The following GPAM variants were observed in gnomAD, a reference collection of about 807,000 sequenced individuals.
GPAM encodes the protein glycerol-3-phosphate acyltransferase, mitochondrial, also known as glycerol-3-phosphate acyltransferase 1, mitochondrial.
In GPAM, 56 loss-of-function variants were observed where a neutral mutation model predicts 105.0. That is an observed-to-expected ratio of 0.53 (90% CI 0.43 to 0.67). GPAM has a LOEUF of 0.67. GPAM is among the 30% of genes least tolerant of loss of function. GPAM has a pLI of 0.00. For missense variants in GPAM, 855 were observed against 989.8 expected (o/e 0.86, Z 1.83); for synonymous variants, 368 against 354.4 (o/e 1.04, Z -0.43).
intron 1 of GPAM, among the ~76,000 whole-genome samples, chr10:112,214,697 G>A (rs907716812): frequency 6.6e-5 from 10 of 152,218 alleles, no homozygotes; most frequent in Non-Finnish European, 1.0e-4. Context: ...CCAACATCAC[G>A]AGGATTGGTA....
intron 21 of GPAM, 147 bp from the exon 22 acceptor site, chr10:112,153,813 G>T: frequency 2.6e-6 from 2 of 773,376 alleles, no homozygotes; most frequent in African/African-American, 1.8e-5. Context: ...ATGTATGCCT[G>T]GGTGTGTGTG....
chr10:112,172,395 G>T, intron 8 of GPAM, 77 bp from the exon 9 acceptor site: 1 of 1,169,556 alleles, frequency 8.6e-7, no homozygotes, highest in Non-Finnish European at 1.3e-6. Context: ...TATTTGGCTA[G>T]AGTCACTCAA....
rs1250731984 is a variant in GPAM, at chr10:112,163,707, G to C, written c.1417C>G (p.Leu473Val). 1.4e-6 allele frequency: 2 copies of C among 1,431,272 alleles called. No individual in the cohort carries two copies. Among genetic ancestry groups the C allele is most frequent in the Non-Finnish European group, 9.9e-7 (1 of 1,013,012 alleles). 88.7% of individuals were successfully genotyped at this position (1,431,272 alleles called of 1,614,324 possible). Residue 473 changes from leucine to valine, a missense_variant, in exon 14 of 22, where the codon CTA becomes GTA. Coordinates refer to ENST00000348367, the MANE Select transcript of GPAM (RefSeq NM_001244949.2). ...AGTCTGGTATTCTACTTACTGAATA[G>C]AATATGCTCAGCCAGATTTGCAATC... ...RLIANLAEHI[L>V]FTASKSCAIM...
At chr10:112,153,876 T>C in intron 21 of GPAM, 1 of 508,452 alleles carries the variant, frequency 2.0e-6, no homozygotes, top group Non-Finnish European at 3.5e-6. Context: ...TCTATTTTTT[T>C]TTTTTTGTTT....
intron 1 of GPAM, among the ~76,000 whole-genome samples, chr10:112,204,197 A>G (rs1320702905): frequency 6.6e-6 from 1 of 151,912 alleles, no homozygotes; most frequent in African/African-American, 2.4e-5. Context: ...GCTCAAGCAC[A>G]CAGATAGAAC....
At chr10:112,188,638 A>C (rs1847621951), upstream of GPAM, among the ~76,000 whole-genome samples, 1 of 152,210 alleles carries the variant, frequency 6.6e-6, no homozygotes, top group Non-Finnish European at 1.5e-5. Context: ...TGTGTTTGTG[A>C]AAGTAATGCA....
rs557624944 is a variant in GPAM at position 112,171,420 on chromosome 10, T to C, written c.794+762A>G. On this transcript the variant is annotated intron_variant, in intron 9 of 21. Transcript: ENST00000348367. ...CTAATGGAAGCAGAATTGATTTCAT[T>C]CTTTCTAATCCAGAATGACCTTTCA... is the stretch of plus-strand genomic sequence containing the variant. 5.9e-5 allele frequency among the ~76,000 whole-genome samples: 9 copies of C among 152,352 alleles called. 1 individual carries two copies. The East Asian group carries it at 1.7e-3, about 29-fold the overall frequency.
intron 1 of GPAM, among the ~76,000 whole-genome samples, chr10:112,211,243 C>G (rs980800273): frequency 6.6e-6 from 1 of 152,174 alleles, no homozygotes; most frequent in African/African-American, 2.4e-5. Flanking sequence ...GGCCTAGCTT[C>G]TCTCCACCAG....
chr10:112,180,661 A>C, intron 3 of GPAM, 66 bp from the exon 4 acceptor site: 287 of 1,403,886 alleles, frequency 2.0e-4, no homozygotes, highest in Non-Finnish European at 2.6e-4. Flanking sequence ...ACTTGATCTC[A>C]AAATCTAAAG....
intron 1 of GPAM, among the ~76,000 whole-genome samples, chr10:112,213,229 T>A: frequency 6.6e-6 from 1 of 152,200 alleles, no homozygotes; most frequent in African/African-American, 2.4e-5. Flanking sequence ...AGAGTGGTCA[T>A]GATGACATAG....
intron 14 of GPAM, among the ~76,000 whole-genome samples, chr10:112,163,202 T>C (rs1251774702): frequency 6.6e-6 from 1 of 152,216 alleles, no homozygotes; most frequent in Non-Finnish European, 1.5e-5. Context: ...TAATTATTTG[T>C]GTATAACCAT....
At position 112,151,659 on chromosome 10, in the gene GPAM, C is replaced by A; in HGVS notation, c.*1891G>T. The stretch of plus-strand genomic sequence containing the variant: ...AGCAGCTCTTTGCAGCAATGACAGG[C>A]AGGGCAGAGTGTCGACTGGGAAGCG... On this transcript the variant is annotated 3_prime_UTR_variant, in exon 22 of 22. Coordinates refer to ENST00000348367, the MANE Select transcript of GPAM (RefSeq NM_001244949.2). 2 of 985,306 alleles carry A rather than the reference C, an allele frequency of 2.0e-6. No individual in the cohort carries two copies. Among genetic ancestry groups the A allele is most frequent in the Non-Finnish European group, 2.4e-6 (2 of 829,840 alleles). 61.0% of individuals were successfully genotyped at this position (985,306 alleles called of 1,614,324 possible). A position where few individuals can be genotyped will look rare whatever the true frequency, so the allele number is the denominator to read the frequency against.
intron 16 of GPAM, 102 bp from the exon 17 acceptor site, chr10:112,160,155 A>C (rs1847097445): frequency 8.6e-7 from 1 of 1,166,392 alleles, no homozygotes; most frequent in Non-Finnish European, 1.3e-6. Context: ...CATCAAAAAT[A>C]ATGGCCTGTA....
intron 1 of GPAM, among the ~76,000 whole-genome samples, chr10:112,214,844 C>A (rs895933471): frequency 2.0e-5 from 3 of 152,136 alleles, no homozygotes; most frequent in African/African-American, 7.2e-5. Context: ...GGGTTCTGAG[C>A]CAGGATGGAG....
chr10:112,218,254 C>T (rs1847990248), upstream of GPAM, among the ~76,000 whole-genome samples: 1 of 152,144 alleles, frequency 6.6e-6, no homozygotes, highest in Non-Finnish European at 1.5e-5. Flanking sequence ...GAGGAGGATG[C>T]CATACAGAGC....
chr10:112,181,726 G>A lies in GPAM; in HGVS notation c.59C>T (p.Ser20Leu). Residue 20 changes from serine to leucine, a missense_variant, in exon 3 of 22, where the codon TCA (serine) becomes TTA (leucine). Ser to Leu is a moderately radical substitution (Grantham distance 145, BLOSUM62 -2). Coordinates refer to ENST00000348367, the MANE Select transcript of GPAM (RefSeq NM_001244949.2). ...CTTACATCGACCAACACTGTATTCT[G>A]ATGAATGTGGCAGATAAGAAACATC... ...TIDVSYLPHSSEYSVGRCKHT... is the reference protein window; with the variant it reads ...TIDVSYLPHSLEYSVGRCKHT... 1.9e-6 allele frequency: 3 copies of A among 1,610,650 alleles called. No homozygotes were observed. Among genetic ancestry groups the A allele is most frequent in the Non-Finnish European group, 2.5e-6 (3 of 1,176,946 alleles).
intron 1 of GPAM, among the ~76,000 whole-genome samples, chr10:112,206,719 A>T (rs1847854686): frequency 6.6e-6 from 1 of 150,984 alleles, no homozygotes; most frequent in African/African-American, 2.4e-5. Flanking sequence ...ACCTAATGAT[A>T]GATGACACGT....
At position 112,161,682 on chromosome 10, in the gene GPAM, G is replaced by C; in HGVS notation, c.1479C>G (p.Leu493=). The C allele has an allele frequency of 1.2e-6, 2 of 1,612,998 alleles. No individual in the cohort carries two copies. The highest frequency in any genetic ancestry group is 1.7e-6 in the Non-Finnish European group (2 of 1,179,070). ...MSTHIVACLL[L]YRHRQGIDLS... is the part of the protein sequence containing the mutation. The stretch of plus-strand genomic sequence containing the variant: ...GCAGACATACCTGCCTGTGTCTGTA[G>C]AGGAGCAGGCAAGCCACAATGTGTG... The change falls in exon 15 of 22, where the codon CTC becomes CTG. Residue 493 remains leucine (L), a synonymous_variant. Coordinates refer to ENST00000348367, the MANE Select transcript of GPAM (RefSeq NM_001244949.2).
At chr10:112,170,798 G>T (rs1847299269) in intron 9 of GPAM, among the ~76,000 whole-genome samples, 2 of 152,182 alleles carry the variant, frequency 1.3e-5, no homozygotes, top group African/African-American at 4.8e-5. Flanking sequence ...CTATGTGAAG[G>T]CAAGGACTAT....
Sources: allele counts gnomAD v4.1 joint callset (sites outside exome capture counted in the v4.1 genomes callset), GRCh38; gene constraint gnomAD v4.1.1; transcripts MANE v1.5; gene names NCBI Gene and HGNC (gene_info 2026-07-23, HGNC 2026-07-21).